The following EIF4EBP1 variants were observed in gnomAD, a reference collection of about 807,000 sequenced individuals.
EIF4EBP1 encodes eukaryotic translation initiation factor 4E-binding protein 1.
In EIF4EBP1, 5 loss-of-function variants were observed where a neutral mutation model predicts 9.2. That is an observed-to-expected ratio of 0.54 (90% CI 0.28 to 1.14). The LOEUF is 1.14. Among genes scored for constraint, EIF4EBP1 ranks in the 50% most tolerant of loss-of-function variants. The pLI is 0.09. For synonymous variants in EIF4EBP1, 62 were observed against 67.0 expected, an observed-to-expected ratio of 0.93 and a Z score of 0.36; for missense variants, 139 against 169.6, an observed-to-expected ratio of 0.82 and a Z score of 1.00.
chr8:38,057,070 T>C lies in EIF4EBP1; in HGVS notation c.146-11T>C, dbSNP rs764471973. The C allele has an allele frequency of 4.5e-6, 7 of 1,567,428 alleles. No individual in the cohort carries two copies. The highest frequency in any genetic ancestry group is 1.8e-5 in the Admixed American group (1 of 55,344). Reference sequence around the variant, plus strand: ...GCAGATGGCTTGACCAACCTCCCTGTTCCCTTCTAGGTACCAGGATCATCT... The same window carrying C: ...GCAGATGGCTTGACCAACCTCCCTGCTCCCTTCTAGGTACCAGGATCATCT... On this transcript the variant is annotated splice_polypyrimidine_tract_variant and intron_variant, in intron 1 of 2. Coordinates refer to ENST00000338825, the MANE Select transcript of EIF4EBP1 (RefSeq NM_004095.4).
chr8:38,053,745 T>C (rs952405693), intron 1 of EIF4EBP1, among the ~76,000 whole-genome samples: 1 of 152,180 alleles, frequency 6.6e-6, no homozygotes, highest in Non-Finnish European at 1.5e-5. Context: ...TCCTATCACA[T>C]GCTACAGTGT....
chr8:38,056,681 T>A (rs1199320502), intron 1 of EIF4EBP1, among the ~76,000 whole-genome samples: 3 of 150,756 alleles, frequency 2.0e-5, no homozygotes, highest in Admixed American at 1.3e-4. Context: ...TTTTTTTTTT[T>A]ATGAAAAGGA....
intron 1 of EIF4EBP1, among the ~76,000 whole-genome samples, chr8:38,055,645 A>G (rs751929017): frequency 1.3e-5 from 2 of 151,938 alleles, no homozygotes; most frequent in African/African-American, 2.4e-5. Flanking sequence ...AGGAATTGCT[A>G]TCACTACTAT....
In EIF4EBP1 at chr8:38,057,069, G is replaced by C. The variant is rs768662724; in HGVS notation, c.146-12G>C. On this transcript the variant is annotated splice_polypyrimidine_tract_variant and intron_variant, in intron 1 of 2. Coordinates refer to ENST00000338825, the MANE Select transcript of EIF4EBP1 (RefSeq NM_004095.4). ...TGCAGATGGCTTGACCAACCTCCCT[G>C]TTCCCTTCTAGGTACCAGGATCATC... is the stretch of plus-strand genomic sequence containing the variant. The C allele has an allele frequency of 5.1e-6, 8 of 1,570,108 alleles. No individual in the cohort carries two copies. In the African/African-American group the frequency reaches 1.2e-4, roughly 24 times the overall value.
intron 1 of EIF4EBP1, among the ~76,000 whole-genome samples, chr8:38,056,734 G>A (rs1809600117): frequency 6.6e-6 from 1 of 151,334 alleles, no homozygotes; most frequent in South Asian, 2.1e-4. Context: ...GGTGCAATCG[G>A]CTCACTGCAA....
intron 1 of EIF4EBP1, among the ~76,000 whole-genome samples, chr8:38,037,134 T>C (rs1425943162): frequency 6.6e-6 from 1 of 152,180 alleles, no homozygotes; most frequent in Non-Finnish European, 1.5e-5. Context: ...TCATAGCGAA[T>C]GAATCACACG....
rs910485353 is a variant in EIF4EBP1, at chr8:38,057,403, G to A, written c.325+143G>A. On this transcript the variant is annotated intron_variant, in intron 2 of 2. Coordinates refer to ENST00000338825, the MANE Select transcript of EIF4EBP1 (RefSeq NM_004095.4). ...TCTAAGGAGCAGCTCAGAGCCCAGA[G>A]GGTGAGAGTAGGGGTGGGGAGGTTG... 8 of 1,046,936 alleles carry A rather than the reference G, an allele frequency of 7.6e-6. No homozygotes were observed. The highest frequency in any genetic ancestry group is 1.1e-5 in the Non-Finnish European group (8 of 750,322). The allele number at this position is 1,046,936 out of a possible 1,614,324, so 64.9% of individuals were successfully genotyped here. A position where few individuals can be genotyped will look rare whatever the true frequency, so the allele number is the denominator to read the frequency against.
chr8:38,041,258 C>G (rs751240092), intron 1 of EIF4EBP1, among the ~76,000 whole-genome samples: 38 of 152,098 alleles, frequency 2.5e-4, no homozygotes, highest in Admixed American at 3.9e-4. Flanking sequence ...CCTGCCACCA[C>G]GCCCGGCTAA....
intron 1 of EIF4EBP1, among the ~76,000 whole-genome samples, chr8:38,055,487 C>T (rs1043436791): frequency 6.6e-6 from 1 of 152,054 alleles, no homozygotes; most frequent in African/African-American, 2.4e-5. Flanking sequence ...TTGGGTTATT[C>T]ATATTTTATC....
Position 38,060,076 on chromosome 8 carries a change from A to T in EIF4EBP1, c.*141A>T. 1.3e-6 allele frequency: 1 copy of T among 794,994 alleles called. No homozygotes were observed. The highest frequency in any genetic ancestry group is 2.2e-6 in the Non-Finnish European group (1 of 458,636). The allele number at this position is 794,994 out of a possible 1,614,324, so 49.2% of individuals were successfully genotyped here. On this transcript the variant is annotated 3_prime_UTR_variant, in exon 3 of 3. Transcript: ENST00000338825. Reference sequence around the variant, plus strand: ...CGGACACCCCAGCCCTTTCTCCCTCACTCAGGGCACCTGCCCCCTCCTCTT... The same window carrying T: ...CGGACACCCCAGCCCTTTCTCCCTCTCTCAGGGCACCTGCCCCCTCCTCTT...
At chr8:38,035,163 G>T (rs968952858) in intron 1 of EIF4EBP1, among the ~76,000 whole-genome samples, 1 of 152,092 alleles carries the variant, frequency 6.6e-6, no homozygotes, top group Non-Finnish European at 1.5e-5. Context: ...AGATTTGGTG[G>T]GGGGTTCCTG....
chr8:38,048,899 C>T (rs555526436), intron 1 of EIF4EBP1, among the ~76,000 whole-genome samples: 7 of 151,986 alleles, frequency 4.6e-5, no homozygotes, highest in South Asian at 2.1e-4. Context: ...GAGGCCGAGA[C>T]GGGTGGATCA....
intron 1 of EIF4EBP1, 91 bp downstream of exon 1, chr8:38,030,809 G>A (rs1809206066): frequency 1.5e-6 from 2 of 1,361,598 alleles, no homozygotes; most frequent in Non-Finnish European, 1.9e-6. Context: ...CAGGCTCAAG[G>A]GCGCCGTGAT....
intron 2 of EIF4EBP1, among the ~76,000 whole-genome samples, chr8:38,057,566 C>T (rs1051720464): frequency 6.6e-6 from 1 of 152,230 alleles, no homozygotes; most frequent in Admixed American, 6.5e-5. Context: ...CTTTCGTAAG[C>T]ATGTGCCTCT....
intron 1 of EIF4EBP1, among the ~76,000 whole-genome samples, chr8:38,031,464 C>T (rs765248474): frequency 2.0e-5 from 3 of 152,200 alleles, no homozygotes; most frequent in Non-Finnish European, 4.4e-5. Context: ...GCATTCCCTC[C>T]CAGCCCCGGA....
At chr8:38,032,245 G>A (rs1318033046) in intron 1 of EIF4EBP1, among the ~76,000 whole-genome samples, 1 of 152,204 alleles carries the variant, frequency 6.6e-6, no homozygotes, top group Non-Finnish European at 1.5e-5. Flanking sequence ...GGGTACCAAG[G>A]TTCACACCTG....
intron 1 of EIF4EBP1, among the ~76,000 whole-genome samples, chr8:38,047,942 G>A (rs28642263): frequency 0.71 from 108,587 of 152,000 alleles, 39,204 homozygotes; most frequent in Middle Eastern, 0.87. Context: ...AGGCTGAGGC[G>A]GGAGGATCAC....
chr8:38,036,640 G>A (rs1809306410), intron 1 of EIF4EBP1, among the ~76,000 whole-genome samples: 1 of 151,992 alleles, frequency 6.6e-6, no homozygotes, highest in Non-Finnish European at 1.5e-5. Context: ...TGGAAGATGA[G>A]TTAGGAAGGC....
At chr8:38,044,167 G>C (rs953400336) in intron 1 of EIF4EBP1, among the ~76,000 whole-genome samples, 24 of 152,100 alleles carry the variant, frequency 1.6e-4, no homozygotes, top group Non-Finnish European at 3.1e-4. Context: ...GCAGTTCTAG[G>C]AATTCCATCC....
Sources: allele counts gnomAD v4.1 joint callset (sites outside exome capture counted in the v4.1 genomes callset), GRCh38; gene constraint gnomAD v4.1.1; transcripts MANE v1.5; gene names NCBI Gene and HGNC (gene_info 2026-07-23, HGNC 2026-07-21).